Variants in CNTN5 observed in about 807,000 individuals in gnomAD.
CNTN5 encodes the protein contactin-5.
In CNTN5, 77 loss-of-function variants were observed where a neutral mutation model predicts 129.1. That is an observed-to-expected ratio of 0.60 (90% CI 0.50 to 0.72). The LOEUF (loss-of-function observed/expected upper bound fraction) is 0.72, where lower values mean the gene tolerates loss of function less well. CNTN5 is among the 30% of genes least tolerant of loss of function. The pLI is 0.00. For synonymous variants in CNTN5, 509 were observed against 465.6 expected, an observed-to-expected ratio of 1.09 and a Z score of -1.20; for missense variants, 1,478 against 1,328.8, an observed-to-expected ratio of 1.11 and a Z score of -1.75.
chr11:99,748,231 G>A (rs1360108279), intron 3 of CNTN5, among the ~76,000 whole-genome samples: 1 of 152,074 alleles, frequency 6.6e-6, no homozygotes, highest in Non-Finnish European at 1.5e-5. Context: ...CAATGAGTTT[G>A]TAAGCATTCC....
At chr11:99,079,612 T>G (rs913509324) in intron 1 of CNTN5, among the ~76,000 whole-genome samples, 1 of 152,180 alleles carries the variant, frequency 6.6e-6, no homozygotes, top group Non-Finnish European at 1.5e-5. Flanking sequence ...ATACAAAATT[T>G]TATGATGTAT....
At chr11:99,094,060 C>T (rs923199902) in intron 1 of CNTN5, among the ~76,000 whole-genome samples, 4 of 151,864 alleles carry the variant, frequency 2.6e-5, no homozygotes, top group Admixed American at 6.6e-5. Flanking sequence ...GTTAGTACAC[C>T]TATTTATCTT....
intron 1 of CNTN5, among the ~76,000 whole-genome samples, chr11:99,142,752 T>G (rs1859583315): frequency 6.6e-6 from 1 of 151,970 alleles, no homozygotes; most frequent in South Asian, 2.1e-4. Flanking sequence ...AACCTCTGGC[T>G]TCTACACAGG....
chr11:99,712,249 A>G (rs1265947303), intron 3 of CNTN5, among the ~76,000 whole-genome samples: 1 of 152,086 alleles, frequency 6.6e-6, no homozygotes, highest in Admixed American at 6.6e-5. Context: ...GCATTCTTTC[A>G]TATGTTTTTT....
intron 1 of CNTN5, among the ~76,000 whole-genome samples, chr11:99,235,591 G>C (rs909733753): frequency 2.6e-5 from 4 of 152,106 alleles, no homozygotes; most frequent in Non-Finnish European, 4.4e-5. Context: ...ATAACTATGA[G>C]TTAAATAGGG....
At chr11:99,250,850 C>T (rs934327672) in intron 1 of CNTN5, among the ~76,000 whole-genome samples, 1 of 151,814 alleles carries the variant, frequency 6.6e-6, no homozygotes, top group Non-Finnish European at 1.5e-5. Flanking sequence ...CAATTAATTT[C>T]CCTTACATCT....
Position 99,646,359 on chromosome 11 carries a change from A to G in CNTN5, c.55+90090A>G, listed in dbSNP as rs902369360. ...TTTTTGCTATAAGTCAAATATGAGAAATTTATTCTATCTGCATTGACACTT... is the reference window on the plus strand; with the variant it reads ...TTTTTGCTATAAGTCAAATATGAGAGATTTATTCTATCTGCATTGACACTT... On this transcript the variant is annotated intron_variant, in intron 3 of 24. Coordinates refer to ENST00000524871, the MANE Select transcript of CNTN5 (RefSeq NM_014361.4). Among the ~76,000 whole-genome samples, 5 of 152,314 alleles carry G rather than the reference A, an allele frequency of 3.3e-5. No individual in the cohort carries two copies. In the South Asian group the frequency reaches 6.2e-4, roughly 19 times the overall value.
chr11:99,523,810 T>C lies in CNTN5; in HGVS notation c.-70-32335T>C, dbSNP rs144979637. ...CGTGATTGAGCAAACATAGAACAGATCTAGAGTAAGAGAGACTCAACAAAT... is the reference window on the plus strand; with the variant it reads ...CGTGATTGAGCAAACATAGAACAGACCTAGAGTAAGAGAGACTCAACAAAT... On this transcript the variant is annotated intron_variant, in intron 2 of 24. Transcript: ENST00000524871. Among the ~76,000 whole-genome samples, 583 of 152,154 alleles carry C rather than the reference T, an allele frequency of 3.8e-3. 4 individuals are homozygous for C. Among genetic ancestry groups the C allele is most frequent in the Middle Eastern group, 0.017 (5 of 294 alleles).
rs1160928887 is a variant in CNTN5, at chr11:100,358,862, T to C, written c.*2642T>C. Reference sequence around the variant, plus strand: ...TGTAACATTAGATCTTTTTAATAAATAATTCTCTTTTTATTGACTTTTATC... The same window carrying C: ...TGTAACATTAGATCTTTTTAATAAACAATTCTCTTTTTATTGACTTTTATC... On this transcript the variant is annotated 3_prime_UTR_variant, in exon 25 of 25. Transcript: ENST00000524871. The C allele has an allele frequency of 6.6e-6, 1 of 151,914 alleles. No individual in the cohort carries two copies. The highest frequency in any genetic ancestry group is 1.5e-5 in the Non-Finnish European group (1 of 67,846). The allele number at this position is 151,914 out of a possible 1,614,324, so 9.4% of individuals were successfully genotyped here.
At chr11:100,232,372 A>G (rs923077286) in intron 16 of CNTN5, among the ~76,000 whole-genome samples, 2 of 152,184 alleles carry the variant, frequency 1.3e-5, no homozygotes, top group Non-Finnish European at 2.9e-5. Flanking sequence ...AATGGACAAC[A>G]GTGTCAAAAC....
chr11:99,653,088 A>G (rs1310469629), intron 3 of CNTN5, among the ~76,000 whole-genome samples: 2 of 152,020 alleles, frequency 1.3e-5, no homozygotes, highest in Non-Finnish European at 1.5e-5. Flanking sequence ...ACTGGTTTCA[A>G]TTTTATTGGT....
intron 18 of CNTN5, among the ~76,000 whole-genome samples, chr11:100,272,037 CA>C (rs1348853863): frequency 6.6e-6 from 1 of 152,180 alleles, no homozygotes; most frequent in Admixed American, 6.5e-5. Context: ...GGAACACAAA[CA>C]TGAATGTTGA....
At chr11:99,213,350 ATATATGTG>A (rs1233090531) in intron 1 of CNTN5, among the ~76,000 whole-genome samples, 5 of 116,160 alleles carry the variant, frequency 4.3e-5, no homozygotes, top group African/African-American at 1.5e-4. Flanking sequence ...ATAAAATATT[ATATATGTG>A]TATATATGTA....
chr11:100,306,438 T>G (rs1951351597), intron 20 of CNTN5, among the ~76,000 whole-genome samples: 1 of 151,680 alleles, frequency 6.6e-6, no homozygotes, highest in Admixed American at 6.6e-5. Flanking sequence ...CCCTGCAATC[T>G]TCTTTGACAA....
chr11:99,327,937 G>A (rs191064686), intron 2 of CNTN5, among the ~76,000 whole-genome samples: 176 of 152,250 alleles, frequency 1.2e-3, no homozygotes, highest in African/African-American at 3.6e-3. Flanking sequence ...TTTCATTAGA[G>A]AAGAGTCTGA....
At chr11:99,613,269 A>T (rs1391320980) in intron 3 of CNTN5, among the ~76,000 whole-genome samples, 1 of 152,178 alleles carries the variant, frequency 6.6e-6, no homozygotes, top group African/African-American at 2.4e-5. Flanking sequence ...GTTCTCTGCC[A>T]TGGTGAGTTA....
At chr11:99,494,693 T>C (rs1010609333) in intron 2 of CNTN5, among the ~76,000 whole-genome samples, 2 of 152,180 alleles carry the variant, frequency 1.3e-5, no homozygotes, top group African/African-American at 2.4e-5. Flanking sequence ...TCACATGCTT[T>C]CTTATATAGC....
At chr11:100,051,296 GCTCT>G (rs1200615178) in intron 9 of CNTN5, among the ~76,000 whole-genome samples, 2 of 152,042 alleles carry the variant, frequency 1.3e-5, no homozygotes, top group South Asian at 2.1e-4. Flanking sequence ...AAGAGCGTAT[GCTCT>G]CTAATTGCAA....
intron 3 of CNTN5, among the ~76,000 whole-genome samples, chr11:99,663,454 C>T (rs373673054): frequency 7.2e-4 from 109 of 152,172 alleles, no homozygotes; most frequent in African/African-American, 2.4e-3. Context: ...GGTAACAGAG[C>T]GAGACTCCGT....
Sources: gnomAD v4.1 joint callset for allele counts (sites outside exome capture counted in the v4.1 genomes callset) on GRCh38, gnomAD v4.1.1 for gene constraint, MANE v1.5 for transcripts, NCBI Gene and HGNC (gene_info 2026-07-23, HGNC 2026-07-21) for gene names.